Variants in TEX9 observed in about 807,000 individuals in gnomAD.
TEX9 encodes testis-expressed protein 9.
Under a neutral mutation model 59.6 loss-of-function variants are expected in TEX9, and 74 were observed. That is an observed-to-expected ratio of 1.24 (90% CI 1.03 to 1.51). The LOEUF is 1.51. TEX9 is among the 40% of genes most tolerant of loss of function. TEX9 has a pLI of 0.00. For synonymous variants in TEX9, 186 were observed against 152.2 expected (o/e 1.22, Z -1.64); for missense variants, 522 against 447.8 (o/e 1.17, Z -1.49).
At chr15:56,337,051 T>C (rs557056326) in intron 1 of TEX9, among the ~76,000 whole-genome samples, 10 of 152,334 alleles carry the variant, frequency 6.6e-5, no homozygotes, top group African/African-American at 2.4e-4. Context: ...CTTCATGTAA[T>C]AGTTATTTCG....
chr15:56,434,579 C>A (rs56214046), intron 12 of TEX9, among the ~76,000 whole-genome samples: 3,589 of 152,186 alleles, frequency 0.024, 151 homozygotes, highest in African/African-American at 0.083. Flanking sequence ...AATATGCTTA[C>A]ATTTGGATTG....
intron 10 of TEX9, among the ~76,000 whole-genome samples, chr15:56,415,022 C>A (rs1184645001): frequency 6.6e-6 from 1 of 151,638 alleles, no homozygotes. Flanking sequence ...TACTTGTTGG[C>A]CACATGTATG....
chr15:56,255,979 TA>T (rs1335058103), intron 1 of TEX9, among the ~76,000 whole-genome samples: 1 of 152,042 alleles, frequency 6.6e-6, no homozygotes, highest in African/African-American at 2.4e-5. Flanking sequence ...AATTTCAAGA[TA>T]AATCATTCAG....
intron 1 of TEX9, among the ~76,000 whole-genome samples, chr15:56,319,704 A>G (rs1451898250): frequency 2.0e-5 from 3 of 152,216 alleles, no homozygotes; most frequent in African/African-American, 7.2e-5. Flanking sequence ...AGGTAAGAGC[A>G]CAGTCAAAAT....
intron 1 of TEX9, among the ~76,000 whole-genome samples, chr15:56,344,591 A>G (rs2046431693): frequency 6.6e-6 from 1 of 152,094 alleles, no homozygotes. Context: ...GATTGTGGTG[A>G]TGCTTGCAAA....
intron 10 of TEX9, among the ~76,000 whole-genome samples, chr15:56,426,626 T>TATATACACACACAC (rs1214988827): frequency 4.2e-5 from 2 of 47,178 alleles, no homozygotes; most frequent in African/African-American, 1.1e-4. Flanking sequence ...TATATATATA[T>TATATACACACACAC]ACACACACAC....
chr15:56,428,420 A>G, exon 12 of TEX9: 4 of 1,612,212 alleles, frequency 2.5e-6, no homozygotes, highest in Non-Finnish European at 3.4e-6. Flanking sequence ...AATTTATGAA[A>G]GCACTTGAAT....
rs795799 is a variant in TEX9, at chr15:56,420,536, A to C, written c.964-7069A>C. On this transcript the variant is annotated intron_variant, in intron 10 of 12. Transcript: ENST00000352903. ...TTGGCCAGACTGGTCTCGAACTACT[A>C]ACCTCGTGATCTGCCCGCTTTGACC... 6.6e-5 allele frequency among the ~76,000 whole-genome samples: 10 copies of C among 151,924 alleles called. No individual in the cohort carries two copies. The South Asian group carries it at 1.0e-3, about 16-fold the overall frequency.
At chr15:56,378,266 A>G (rs2047554081) in intron 3 of TEX9, among the ~76,000 whole-genome samples, 3 of 152,138 alleles carry the variant, frequency 2.0e-5, no homozygotes, top group Admixed American at 6.5e-5. Flanking sequence ...TCCTCCTCCA[A>G]TTTTTGGAAT....
intron 1 of TEX9, among the ~76,000 whole-genome samples, chr15:56,313,219 G>A (rs1647280870): frequency 1.4e-5 from 2 of 142,206 alleles, no homozygotes; most frequent in Admixed American, 1.4e-4. Flanking sequence ...TCCCTGTCTT[G>A]TGCCAGTTTT....
chr15:56,286,593 C>T (rs537487047), intron 1 of TEX9, among the ~76,000 whole-genome samples: 4 of 152,242 alleles, frequency 2.6e-5, no homozygotes, highest in South Asian at 4.2e-4. Flanking sequence ...CAGACTTCAG[C>T]GAGAACTGTT....
chr15:56,421,959 T>C (rs1348440633), intron 10 of TEX9, among the ~76,000 whole-genome samples: 10 of 151,402 alleles, frequency 6.6e-5, no homozygotes, highest in African/African-American at 2.4e-4. Context: ...CAGCATGATT[T>C]ATAGTCCCTT....
chr15:56,267,386 T>A (rs538782944), intron 1 of TEX9, among the ~76,000 whole-genome samples: 101 of 152,256 alleles, frequency 6.6e-4, no homozygotes, highest in African/African-American at 2.3e-3. Context: ...GGTGTTTTAG[T>A]CATGAAGTCC....
chr15:56,439,652 G>A (rs1194558027), intron 12 of TEX9, among the ~76,000 whole-genome samples: 2 of 151,604 alleles, frequency 1.3e-5, no homozygotes, highest in Admixed American at 6.6e-5. Flanking sequence ...TGGAACAACT[G>A]AACTAAATCC....
downstream of TEX9, chr15:56,447,690 T>G (rs1311366223): frequency 1.3e-5 from 2 of 152,184 alleles, no homozygotes; most frequent in Admixed American, 6.5e-5. Context: ...CTGAACATGT[T>G]TAAAGGATAC....
intron 1 of TEX9, among the ~76,000 whole-genome samples, chr15:56,297,687 T>G (rs1468506852): frequency 3.9e-5 from 6 of 152,212 alleles, no homozygotes; most frequent in Non-Finnish European, 8.8e-5. Flanking sequence ...GTATTTTTAG[T>G]GGAGACAGAG....
At chr15:56,448,016 G>C (rs2050920532), downstream of TEX9, among the ~76,000 whole-genome samples, 1 of 152,090 alleles carries the variant, frequency 6.6e-6, no homozygotes, top group Non-Finnish European at 1.5e-5. Flanking sequence ...TAAGATTATA[G>C]ATATCCACTC....
At chr15:56,442,501 A>T (rs555733029) in intron 12 of TEX9, among the ~76,000 whole-genome samples, 1 of 152,258 alleles carries the variant, frequency 6.6e-6, no homozygotes, top group East Asian at 1.9e-4. Context: ...ATATCCATCA[A>T]TGGTGGACTG....
Position 56,373,609 on chromosome 15 carries a change from T to A in TEX9, c.183+105T>A, listed in dbSNP as rs1296290614. On this transcript the variant is annotated intron_variant, in intron 3 of 12. Coordinates refer to ENST00000352903, the Ensembl canonical transcript of TEX9. ...CAAAACACTAGCCAAAGCATGTGTG[T>A]TCAGTTCAATGAATTATTACAAATT... 2.0e-5 allele frequency: 17 copies of A among 853,548 alleles called. No individual in the cohort carries two copies. The African/African-American group carries it at 3.1e-4, about 16-fold the overall frequency. The allele number at this position is 853,548 out of a possible 1,614,324, so 52.9% of individuals were successfully genotyped here.
Sources: allele counts gnomAD v4.1 joint callset (sites outside exome capture counted in the v4.1 genomes callset), GRCh38; gene constraint gnomAD v4.1.1; transcripts MANE v1.5; gene names NCBI Gene and HGNC (gene_info 2026-07-23, HGNC 2026-07-21).